Variants in CFAP206 observed in about 807,000 individuals in gnomAD.
The protein encoded by CFAP206 is cilia and flagella associated protein 206.
CFAP206 carries 53 observed loss-of-function variants against 65.4 expected under a neutral mutation model. The observed-to-expected ratio is 0.81, with a 90% CI of 0.65 to 1.02. The LOEUF is 1.02. Ranked by LOEUF, CFAP206 falls within the 50% of genes least tolerant of loss-of-function variation. The probability of loss-of-function intolerance (pLI) is 0.00; values close to 1 mark genes in which losing one functional copy is unlikely to be tolerated. For missense variants in CFAP206, 663 were observed against 753.2 expected, an observed-to-expected ratio of 0.88 and a Z score of 1.40; for synonymous variants, 250 against 254.4, an observed-to-expected ratio of 0.98 and a Z score of 0.17.
At chr6:87,410,767 A>T in intron 3 of CFAP206, 99 bp downstream of exon 3, 1 of 941,550 alleles carries the variant, frequency 1.1e-6, no homozygotes. Flanking sequence ...ATGAAACAAA[A>T]GCCCACAAAA....
chr6:87,417,500 C>T (rs144513138), intron 6 of CFAP206, among the ~76,000 whole-genome samples: 2 of 149,936 alleles, frequency 1.3e-5, no homozygotes, highest in Admixed American at 1.3e-4. Context: ...CCCTCCCTTG[C>T]TAGACTATTC....
intron 11 of CFAP206, among the ~76,000 whole-genome samples, chr6:87,438,693 A>G (rs539067429): frequency 6.6e-6 from 1 of 152,178 alleles, no homozygotes; most frequent in Admixed American, 6.5e-5. Context: ...CCCTGGCTCT[A>G]TTTGTCAGAG....
At chr6:87,412,233 AT>A (rs1767746592) in intron 3 of CFAP206, among the ~76,000 whole-genome samples, 2 of 152,160 alleles carry the variant, frequency 1.3e-5, no homozygotes. Flanking sequence ...TTAAGTGTGC[AT>A]TTTAGAACAG....
intron 5 of CFAP206, among the ~76,000 whole-genome samples, chr6:87,416,178 T>C (rs1243484458): frequency 1.3e-5 from 2 of 152,102 alleles, no homozygotes; most frequent in Non-Finnish European, 2.9e-5. Context: ...ACCAGGCTGA[T>C]TGAGTAAATG....
intron 12 of CFAP206, among the ~76,000 whole-genome samples, chr6:87,462,444 T>G (rs1768764485): frequency 1.3e-5 from 2 of 152,208 alleles, no homozygotes; most frequent in Admixed American, 1.3e-4. Context: ...TAAACTCACT[T>G]GAGTTCATTA....
chr6:87,416,598 A>G (rs1271558906), intron 5 of CFAP206, 71 bp from the exon 6 acceptor site: 2 of 1,399,154 alleles, frequency 1.4e-6, no homozygotes, highest in African/African-American at 2.9e-5. Flanking sequence ...CTAAAGAAAA[A>G]CGTTATTTAA....
intron 11 of CFAP206, among the ~76,000 whole-genome samples, chr6:87,437,683 G>T (rs879638445): frequency 4.6e-5 from 7 of 150,614 alleles, no homozygotes; most frequent in Non-Finnish European, 8.9e-5. Flanking sequence ...TGAGACAGAG[G>T]CTCACTCTGT....
At chr6:87,410,542 G>A (rs1767717312) in intron 2 of CFAP206, 43 bp from the exon 3 acceptor site, 1 of 1,369,672 alleles carries the variant, frequency 7.3e-7, no homozygotes, top group Admixed American at 1.7e-5. Context: ...ATTGCTTAAT[G>A]GATTCTTTCC....
chr6:87,409,980 A>G, intron 2 of CFAP206, 33 bp downstream of exon 2: 1 of 1,440,402 alleles, frequency 6.9e-7, no homozygotes, highest in Non-Finnish European at 9.7e-7. Flanking sequence ...TTACTGTTTT[A>G]TTAAGAGGTT....
At chr6:87,448,304 G>A (rs1253200860) in intron 11 of CFAP206, among the ~76,000 whole-genome samples, 1 of 152,050 alleles carries the variant, frequency 6.6e-6, no homozygotes, top group African/African-American at 2.4e-5. Context: ...ACAGCCACAC[G>A]CCACTGTGCC....
At chr6:87,436,728 T>C (rs577341716) in intron 11 of CFAP206, 2 of 152,410 alleles carry the variant, frequency 1.3e-5, no homozygotes, top group East Asian at 3.9e-4. Flanking sequence ...ATGAAGCTAT[T>C]CTGCAGAGTC....
intron 10 of CFAP206, among the ~76,000 whole-genome samples, chr6:87,431,825 T>C (rs1461997897): frequency 1.3e-5 from 2 of 152,198 alleles, no homozygotes; most frequent in Admixed American, 1.3e-4. Flanking sequence ...AAGTAATTAC[T>C]GAAAGAGCAA....
At position 87,415,790 on chromosome 6, in the gene CFAP206, C is replaced by G; in HGVS notation, c.388C>G (p.Leu130Val). 1 of 1,613,568 alleles carries G rather than the reference C, an allele frequency of 6.2e-7. No homozygotes were observed. Among genetic ancestry groups the G allele is most frequent in the East Asian group, 2.2e-5 (1 of 44,840 alleles). ...ATGTGCTAAAGAAGAATTGGAAAGC[C>G]TCTACCGGAAGATTATCAGCTATGT... The part of the protein sequence containing the change: ...RACAKEELES[L>V]YRKIISYVLL... The change falls in exon 5 of 13, where the codon CTC (leucine) becomes GTC (valine). Residue 130 changes from leucine (L) to valine (V), a missense_variant. Coordinates refer to ENST00000369562, the MANE Select transcript of CFAP206 (RefSeq NM_001031743.3).
intron 7 of CFAP206, among the ~76,000 whole-genome samples, chr6:87,420,553 C>T (rs1002964540): frequency 6.6e-6 from 1 of 152,200 alleles, no homozygotes; most frequent in African/African-American, 2.4e-5. Context: ...TGCTTAACTT[C>T]CCTGTGCCTT....
In CFAP206 at chr6:87,434,844, C is replaced by CT. The variant is rs752184385; in HGVS notation, c.1301-9dup. On this transcript the variant is annotated splice_polypyrimidine_tract_variant and intron_variant, in intron 10 of 12. Coordinates refer to ENST00000369562, the MANE Select transcript of CFAP206 (RefSeq NM_001031743.3). ...TGATCAAGACATTTCATATCTAATT[C>CT]TTTTTTTATTTTCAGGAAATCCAGC... 7.2e-6 allele frequency: 9 copies of CT among 1,258,550 alleles called. No individual in the cohort carries two copies. The East Asian group carries it at 9.9e-5, about 14-fold the overall frequency. The allele number at this position is 1,258,550 out of a possible 1,614,324, so 78.0% of individuals were successfully genotyped here.
chr6:87,420,971 CAATT>C (rs1249536783), intron 7 of CFAP206, among the ~76,000 whole-genome samples: 2 of 152,070 alleles, frequency 1.3e-5, no homozygotes, highest in Admixed American at 6.6e-5. Context: ...GTCTTAGTGA[CAATT>C]AAGGTTGATT....
intron 11 of CFAP206, chr6:87,436,793 ATGTGAGC>A (rs1768275748): frequency 6.6e-6 from 1 of 152,160 alleles, no homozygotes. Flanking sequence ...GCCTTTCTGT[ATGTGAGC>A]CAAATAGTAG....
chr6:87,422,608 C>T (rs966291774), intron 7 of CFAP206, among the ~76,000 whole-genome samples: 3 of 150,558 alleles, frequency 2.0e-5, no homozygotes, highest in East Asian at 2.0e-4. Context: ...AAAATTAGCC[C>T]GGTGCAGTGG....
intron 10 of CFAP206, 32 bp from the exon 11 acceptor site, chr6:87,434,828 C>A (rs1030650657): frequency 8.8e-7 from 1 of 1,136,554 alleles, no homozygotes; most frequent in African/African-American, 1.6e-5. Flanking sequence ...GTGATCAAGA[C>A]ATTTCATATC....
Sources: allele counts gnomAD v4.1 joint callset (sites outside exome capture counted in the v4.1 genomes callset), GRCh38; gene constraint gnomAD v4.1.1; transcripts MANE v1.5; gene names NCBI Gene and HGNC (gene_info 2026-07-23, HGNC 2026-07-21).